The following FGF13 variants were observed in gnomAD, a reference collection of about 807,000 sequenced individuals.
FGF13 encodes the protein fibroblast growth factor homologous factor 2.
A neutral mutation model predicts 19.5 loss-of-function variants in FGF13; 2 were observed. The observed-to-expected ratio is 0.10, with a 90% confidence interval of 0.04 to 0.32. FGF13 has a LOEUF of 0.32. Ranked by LOEUF, FGF13 falls within the 10% of genes least tolerant of loss-of-function variation. The pLI, the probability that FGF13 is intolerant of heterozygous loss-of-function variation, is 1.00. For synonymous variants in FGF13, 72 were observed against 76.9 expected (o/e 0.94, Z 0.33); for missense variants, 113 against 192.7 (o/e 0.59, Z 2.45).
chrX:139,005,155 A>G (rs1261502568), intron 1 of FGF13, among the ~76,000 whole-genome samples: 1 of 103,631 alleles, frequency 9.6e-6, no homozygotes, highest in African/African-American at 3.6e-5. Flanking sequence ...ACTCAGGAGA[A>G]GCCCACTGGC....
At chrX:138,753,887 G>A (rs1365068699) in intron 3 of FGF13, among the ~76,000 whole-genome samples, 2 of 111,912 alleles carry the variant, frequency 1.8e-5, no homozygotes, top group African/African-American at 6.5e-5. Context: ...TACTGAACTG[G>A]TTGTGTCTTA....
intron 1 of FGF13, among the ~76,000 whole-genome samples, chrX:139,111,348 C>T (rs1025351364): frequency 3.6e-5 from 4 of 111,691 alleles, no homozygotes; most frequent in Non-Finnish European, 7.5e-5. Context: ...CATACCACCC[C>T]GATGAGGCAA....
intron 1 of FGF13, among the ~76,000 whole-genome samples, chrX:138,720,778 C>T (rs1231226944): frequency 9.0e-6 from 1 of 111,431 alleles, no homozygotes; most frequent in East Asian, 2.8e-4. Flanking sequence ...TAAAGCCAGA[C>T]TTCAAACCTG....
At chrX:138,687,954 T>A (rs1416180757) in intron 3 of FGF13, among the ~76,000 whole-genome samples, 1 of 88,333 alleles carries the variant, frequency 1.1e-5, no homozygotes, top group Non-Finnish European at 2.3e-5. Flanking sequence ...AAAAATTGGA[T>A]TTTTTTTTTT....
chrX:138,748,819 A>C (rs1006914789), intron 3 of FGF13, among the ~76,000 whole-genome samples: 12 of 111,979 alleles, frequency 1.1e-4, no homozygotes, highest in African/African-American at 3.6e-4. Context: ...TTAAAAATTT[A>C]AGAGTAGATA....
intron 1 of FGF13, among the ~76,000 whole-genome samples, chrX:139,192,899 TA>T (rs2084343133): frequency 8.9e-6 from 1 of 111,959 alleles, no homozygotes; most frequent in African/African-American, 3.3e-5. Flanking sequence ...TCTGTTTCCC[TA>T]AGAAAACTTG....
chrX:138,915,039 G>C (rs758585508), intron 1 of FGF13, among the ~76,000 whole-genome samples: 2 of 111,429 alleles, frequency 1.8e-5, no homozygotes, highest in African/African-American at 6.5e-5. Flanking sequence ...CCAGGGAGTT[G>C]ACATTCCTAG....
intron 1 of FGF13, among the ~76,000 whole-genome samples, chrX:139,058,644 A>T (rs1466426195): frequency 8.9e-6 from 1 of 112,396 alleles, no homozygotes; most frequent in Non-Finnish European, 1.9e-5. Context: ...ATGTGTGAAC[A>T]TACTAAAGTA....
chrX:138,635,733 T>C, intron 3 of FGF13, 78 bp from the exon 4 acceptor site: 1 of 774,839 alleles, frequency 1.3e-6, no homozygotes, highest in East Asian at 3.3e-5. Flanking sequence ...TATTGCCTTT[T>C]AGGAGATTAA....
intron 1 of FGF13, among the ~76,000 whole-genome samples, chrX:138,947,368 T>C (rs1484523210): frequency 8.9e-6 from 1 of 112,093 alleles, no homozygotes; most frequent in Non-Finnish European, 1.9e-5. Flanking sequence ...CAGATTTATA[T>C]TCAATTCTTA....
intron 1 of FGF13, among the ~76,000 whole-genome samples, chrX:139,176,368 A>AT (rs1360874759): frequency 4.1e-5 from 4 of 97,303 alleles, no homozygotes; most frequent in African/African-American, 1.5e-4. Flanking sequence ...GGATTCACTG[A>AT]TTTTTTGAAG....
Position 139,073,737 on chromosome X carries a change from A to T in FGF13, c.-113+129679T>A, listed in dbSNP as rs190844417. 2.0e-3 allele frequency among the ~76,000 whole-genome samples: 224 copies of T among 112,000 alleles called. 1 individual carries two copies. The highest frequency in any genetic ancestry group is 2.0e-3 in the Non-Finnish European group (104 of 53,174). ...ACTGAACCATTTGAAAGACATAGGC[A>T]TCTAATTTCAGTGTTTTTCTCCTCT... On this transcript the variant is annotated intron_variant, in intron 1 of 2. Transcript: ENST00000421460.
chrX:138,952,067 G>GA (rs1180178860), intron 1 of FGF13, among the ~76,000 whole-genome samples: 1 of 111,208 alleles, frequency 9.0e-6, no homozygotes, highest in Non-Finnish European at 1.9e-5. Context: ...CACAGAATTG[G>GA]AAAAAACTAC....
chrX:139,008,379 G>A (rs2092113200), intron 1 of FGF13, among the ~76,000 whole-genome samples: 1 of 112,431 alleles, frequency 8.9e-6, no homozygotes, highest in South Asian at 3.7e-4. Context: ...CCTGGCTGGA[G>A]GCCAACAAAC....
intron 1 of FGF13, among the ~76,000 whole-genome samples, chrX:139,085,784 A>G (rs754282169): frequency 3.6e-4 from 40 of 112,529 alleles, no homozygotes; most frequent in African/African-American, 1.3e-3. Context: ...ACTACTAGGC[A>G]GCAATTAAAA....
Position 139,082,005 on chromosome X carries a change from C to T in FGF13, c.-113+121411G>A, listed in dbSNP as rs142236108. On this transcript the variant is annotated intron_variant, in intron 1 of 2. Coordinates refer to the FGF13 transcript ENST00000421460. ...CTCAAAAGTTTCCAGTGGTTTCTTT[C>T]TGCCTTTGAAATAATACCCAGATTG... 8.6e-3 allele frequency among the ~76,000 whole-genome samples: 959 copies of T among 111,534 alleles called. 12 individuals are homozygous for T. Among genetic ancestry groups the T allele is most frequent in the African/African-American group, 0.029 (905 of 30,705 alleles).
intron 3 of FGF13, among the ~76,000 whole-genome samples, chrX:138,766,675 A>G (rs183329165): frequency 8.9e-6 from 1 of 111,951 alleles, no homozygotes; most frequent in Non-Finnish European, 1.9e-5. Context: ...TTTCCCTAGC[A>G]GGTGTGTGAA....
intron 1 of FGF13, among the ~76,000 whole-genome samples, chrX:138,932,136 C>T (rs1046071715): frequency 1.8e-5 from 2 of 111,587 alleles, no homozygotes; most frequent in Non-Finnish European, 3.8e-5. Flanking sequence ...CCAATGGAGT[C>T]GTCACTCCCA....
At chrX:138,956,056 G>C (rs2091839703) in intron 1 of FGF13, among the ~76,000 whole-genome samples, 1 of 111,495 alleles carries the variant, frequency 9.0e-6, no homozygotes, top group South Asian at 3.8e-4. Flanking sequence ...TGGAAGACTG[G>C]GATGGAGACA....
Sources: allele counts gnomAD v4.1 joint callset (sites outside exome capture counted in the v4.1 genomes callset), GRCh38; gene constraint gnomAD v4.1.1; transcripts MANE v1.5; gene names NCBI Gene and HGNC (gene_info 2026-07-23, HGNC 2026-07-21).